TBL1XR1: variants seen among roughly 807,000 people sequenced by gnomAD.
TBL1XR1 encodes F-box-like/WD repeat-containing protein TBL1XR1.
In TBL1XR1, 5 loss-of-function variants were observed where a neutral mutation model predicts 66.9. The observed-to-expected ratio is 0.07, with a 90% CI of 0.04 to 0.16. The LOEUF (loss-of-function observed/expected upper bound fraction) is 0.16, where lower values mean the gene tolerates loss of function less well. Among genes scored for constraint, TBL1XR1 ranks in the 10% least tolerant of loss-of-function variants. The probability of loss-of-function intolerance (pLI) is 1.00; values close to 1 mark genes in which losing one functional copy is unlikely to be tolerated. For missense variants in TBL1XR1, 238 were observed against 623.2 expected, an observed-to-expected ratio of 0.38 and a Z score of 6.58; for synonymous variants, 210 against 206.0, an observed-to-expected ratio of 1.02 and a Z score of -0.17.
chr3:177,135,379 ATATG>A (rs56920899), intron 1 of TBL1XR1, among the ~76,000 whole-genome samples: 2,957 of 25,192 alleles, frequency 0.12, 245 homozygotes, highest in African/African-American at 0.17. Flanking sequence ...ATATATATAT[ATATG>A]TATGTATTTT....
chr3:177,052,191 A>G (rs900091913), intron 4 of TBL1XR1, among the ~76,000 whole-genome samples: 1 of 152,248 alleles, frequency 6.6e-6, no homozygotes, highest in Non-Finnish European at 1.5e-5. Context: ...TAAAGCAGAA[A>G]CAGACTTCAT....
At chr3:177,130,752 G>C (rs1426620004) in intron 1 of TBL1XR1, among the ~76,000 whole-genome samples, 3 of 152,310 alleles carry the variant, frequency 2.0e-5, no homozygotes, top group Admixed American at 2.0e-4. Flanking sequence ...GACCTGTAAA[G>C]AGATTATCAA....
intron 1 of TBL1XR1, among the ~76,000 whole-genome samples, chr3:177,106,414 A>C (rs1339404429): frequency 6.6e-6 from 1 of 152,188 alleles, no homozygotes; most frequent in Non-Finnish European, 1.5e-5. Context: ...TTAGCACTCA[A>C]GTGTATTATC....
At chr3:177,061,713 C>G (rs1337255117) in intron 3 of TBL1XR1, among the ~76,000 whole-genome samples, 2 of 152,136 alleles carry the variant, frequency 1.3e-5, no homozygotes, top group Non-Finnish European at 2.9e-5. Context: ...TTTCAAGAAA[C>G]ATAGTTATAA....
chr3:177,164,705 T>C (rs1268714243), intron 1 of TBL1XR1, among the ~76,000 whole-genome samples: 1 of 152,200 alleles, frequency 6.6e-6, no homozygotes, highest in Non-Finnish European at 1.5e-5. Flanking sequence ...AATGGAAAGA[T>C]GTCTCATGTT....
At chr3:177,196,418 G>C (rs529814010) in intron 1 of TBL1XR1, 12 of 151,938 alleles carry the variant, frequency 7.9e-5, no homozygotes, top group Admixed American at 7.2e-4. Context: ...ACCTCCTTAA[G>C]ACGATAAAAA....
intron 4 of TBL1XR1, 133 bp from the exon 5 acceptor site, chr3:177,051,859 A>C: frequency 8.7e-7 from 1 of 1,149,412 alleles, no homozygotes; most frequent in Non-Finnish European, 1.2e-6. Flanking sequence ...CTGAATTCAT[A>C]TAAGAAGTCC....
chr3:177,105,910 G>C (rs1038996593), intron 1 of TBL1XR1, among the ~76,000 whole-genome samples: 1 of 152,164 alleles, frequency 6.6e-6, no homozygotes, highest in Non-Finnish European at 1.5e-5. Flanking sequence ...CCTAAGGCAG[G>C]AGAGTCGCTT....
chr3:177,046,369 T>C (rs1156805852), intron 9 of TBL1XR1, among the ~76,000 whole-genome samples, 180 bp from the exon 10 acceptor site: 1 of 152,132 alleles, frequency 6.6e-6, no homozygotes, highest in East Asian at 1.9e-4. Flanking sequence ...TATTAAGCAG[T>C]TTGATTCTTC....
Position 177,172,240 on chromosome 3 carries a change from G to C in TBL1XR1, c.-122+24881C>G, listed in dbSNP as rs551487425. ...TGCGCCACTGCGCTCCAGCTCGGGAGACAAAGCAAAACTCCCACCTCAAAA... is the reference window on the plus strand; with the variant it reads ...TGCGCCACTGCGCTCCAGCTCGGGACACAAAGCAAAACTCCCACCTCAAAA... On this transcript the variant is annotated intron_variant, in intron 1 of 15. Transcript: ENST00000457928. 4.5e-4 allele frequency among the ~76,000 whole-genome samples: 48 copies of C among 106,130 alleles called. No homozygotes were observed. The South Asian group carries it at 5.4e-3, about 12-fold the overall frequency. 69.6% of individuals were successfully genotyped at this position (106,130 alleles called of 152,430 possible).
intron 2 of TBL1XR1, chr3:177,079,863 T>TA (rs1721184583): frequency 1.3e-5 from 2 of 149,706 alleles, no homozygotes; most frequent in Non-Finnish European, 3.0e-5. Flanking sequence ...TAAAGACAAA[T>TA]ATCAGGCCGC....
intron 3 of TBL1XR1, among the ~76,000 whole-genome samples, chr3:177,059,536 A>C (rs894354429): frequency 6.6e-6 from 1 of 152,200 alleles, no homozygotes; most frequent in Non-Finnish European, 1.5e-5. Context: ...CATCTCAAAA[A>C]ACAAATGGTA....
intron 1 of TBL1XR1, among the ~76,000 whole-genome samples, chr3:177,158,818 A>C (rs1749072805): frequency 6.6e-6 from 1 of 152,178 alleles, no homozygotes; most frequent in Non-Finnish European, 1.5e-5. Context: ...CCAAGAAATT[A>C]ACCTAACCTC....
At chr3:177,124,531 G>A (rs974905199) in intron 1 of TBL1XR1, among the ~76,000 whole-genome samples, 1 of 151,946 alleles carries the variant, frequency 6.6e-6, no homozygotes, top group African/African-American at 2.4e-5. Flanking sequence ...ACGTGCTATA[G>A]GGCTAAATAA....
chr3:177,094,463 C>T (rs1333550664), intron 2 of TBL1XR1, among the ~76,000 whole-genome samples: 1 of 152,164 alleles, frequency 6.6e-6, no homozygotes, highest in African/African-American at 2.4e-5. Flanking sequence ...CCAGTAATCC[C>T]ACTACTGGGT....
At chr3:177,185,647 A>G (rs567611200) in intron 1 of TBL1XR1, among the ~76,000 whole-genome samples, 1 of 151,922 alleles carries the variant, frequency 6.6e-6, no homozygotes, top group East Asian at 1.9e-4. Context: ...TTGTCTTTTC[A>G]TTTAAAAGTA....
chr3:177,122,404 T>C (rs1727086290), intron 1 of TBL1XR1, among the ~76,000 whole-genome samples: 1 of 151,846 alleles, frequency 6.6e-6, no homozygotes. Context: ...GAGAAGAGCA[T>C]CAAGAAGTTC....
In TBL1XR1 at chr3:177,033,150, GA is replaced by G. The variant is rs1414104501; in HGVS notation, c.1251-15del. On this transcript the variant is annotated splice_polypyrimidine_tract_variant and intron_variant, in intron 13 of 15. Coordinates refer to ENST00000457928, the MANE Select transcript of TBL1XR1 (RefSeq NM_024665.7). Reference sequence around the variant, plus strand: ...TCAAAGGATGCACTGAAAAAGGAAGGAAAGAAAGTTAATTTATAAGTAAGGA... The same window carrying G: ...TCAAAGGATGCACTGAAAAAGGAAGGAAGAAAGTTAATTTATAAGTAAGGA... 1 of 1,503,570 alleles carries G rather than the reference GA, an allele frequency of 6.7e-7. No individual in the cohort carries two copies. The highest frequency in any genetic ancestry group is 2.0e-5 in the Admixed American group (1 of 49,388). 93.1% of individuals were successfully genotyped at this position (1,503,570 alleles called of 1,614,324 possible). A position where few individuals can be genotyped will look rare whatever the true frequency, so the allele number is the denominator to read the frequency against.
At position 177,084,105 on chromosome 3, in the gene TBL1XR1, A is replaced by AAG. The variant is rs1553833614; in HGVS notation, c.-46+14360_-46+14361insCT. ...TCCGTCTCAAAAAAAAAAAAAAAGA[A>AAG]AAAAGAAAAGAAAAGAAAAAACTTA... On this transcript the variant is annotated intron_variant, in intron 2 of 15. Coordinates refer to ENST00000457928, the MANE Select transcript of TBL1XR1 (RefSeq NM_024665.7). Among the ~76,000 whole-genome samples the AAG allele has an allele frequency of 4.0e-5, 6 of 151,720 alleles. 1 individual carries two copies. The highest frequency in any genetic ancestry group is 1.5e-4 in the African/African-American group (6 of 41,292).
Sources: allele counts gnomAD v4.1 joint callset (sites outside exome capture counted in the v4.1 genomes callset), GRCh38; gene constraint gnomAD v4.1.1; transcripts MANE v1.5; gene names NCBI Gene and HGNC (gene_info 2026-07-23, HGNC 2026-07-21).